The following EPHA6 variants were observed in gnomAD, a reference collection of about 807,000 sequenced individuals.
The protein encoded by EPHA6 is ephrin type-A receptor 6.
EPHA6 carries 50 observed loss-of-function variants against 112.0 expected under a neutral mutation model. The observed-to-expected ratio is 0.45, with a 90% confidence interval of 0.36 to 0.56. The LOEUF is 0.56. Among genes scored for constraint, EPHA6 ranks in the 20% least tolerant of loss-of-function variants. The pLI is 0.00. For synonymous variants in EPHA6, 529 were observed against 490.7 expected (o/e 1.08, Z -1.03); for missense variants, 1,280 against 1,417.4 (o/e 0.90, Z 1.56).
chr3:97,259,981 A>G (rs1285588033), intron 5 of EPHA6, among the ~76,000 whole-genome samples: 1 of 152,026 alleles, frequency 6.6e-6, no homozygotes, highest in Non-Finnish European at 1.5e-5. Context: ...TTGTATTTTC[A>G]GTAGAGACAG....
intron 2 of EPHA6, among the ~76,000 whole-genome samples, chr3:96,940,621 G>A (rs2040884564): frequency 6.6e-6 from 1 of 152,168 alleles, no homozygotes; most frequent in Admixed American, 6.5e-5. Flanking sequence ...ATTGTTATGT[G>A]TGAATTTGAT....
At position 96,829,936 on chromosome 3, in the gene EPHA6, T is replaced by TATGC. The variant is rs1491163854; in HGVS notation, c.385+14928_385+14929insATGC. Among the ~76,000 whole-genome samples, 348 of 103,220 alleles carry TATGC rather than the reference T, an allele frequency of 3.4e-3. 3 individuals carry two copies. The highest frequency in any genetic ancestry group is 0.016 in the African/African-American group (336 of 21,618). 67.7% of individuals were successfully genotyped at this position (103,220 alleles called of 152,430 possible). On this transcript the variant is annotated intron_variant, in intron 1 of 17. Coordinates refer to ENST00000389672, the MANE Select transcript of EPHA6 (RefSeq NM_001080448.3). ...CTGTCTGTATACACATGCACGTGCA[T>TATGC]GTGCGCGCGCGCGCACACACACACA...
chr3:97,523,521 A>G (rs1424488578), intron 10 of EPHA6, among the ~76,000 whole-genome samples: 1 of 152,058 alleles, frequency 6.6e-6, no homozygotes, highest in Non-Finnish European at 1.5e-5. Context: ...AATGTTCTGT[A>G]TATACCTGTT....
chr3:97,185,667 G>T (rs562028073), intron 3 of EPHA6, among the ~76,000 whole-genome samples: 1 of 151,974 alleles, frequency 6.6e-6, no homozygotes, highest in African/African-American at 2.4e-5. Context: ...ATTCCTCAGG[G>T]ATCTAGAACT....
chr3:96,875,240 A>G (rs965674808), intron 2 of EPHA6, among the ~76,000 whole-genome samples: 1 of 152,096 alleles, frequency 6.6e-6, no homozygotes, highest in African/African-American at 2.4e-5. Flanking sequence ...TGAATCATCC[A>G]AAGCTGATGG....
At chr3:96,950,232 T>A (rs531457066) in intron 2 of EPHA6, among the ~76,000 whole-genome samples, 122 of 152,218 alleles carry the variant, frequency 8.0e-4, no homozygotes, top group Non-Finnish European at 1.5e-3. Flanking sequence ...CTCATGTGCT[T>A]CTGTATACCT....
chr3:97,530,477 C>G (rs1577678958), intron 10 of EPHA6, among the ~76,000 whole-genome samples: 1 of 151,778 alleles, frequency 6.6e-6, no homozygotes, highest in African/African-American at 2.4e-5. Context: ...CACCAAACAG[C>G]TTTGACATGG....
At position 97,761,518 on chromosome 3, in the gene EPHA6, G is replaced by A. The variant is rs560351883; in HGVS notation, c.*12817G>A. The A allele has an allele frequency of 2.6e-4, 45 of 174,072 alleles. No individual in the cohort carries two copies. Among genetic ancestry groups the A allele is most frequent in the African/African-American group, 1.0e-3 (44 of 42,238 alleles). 10.8% of individuals were successfully genotyped at this position (174,072 alleles called of 1,614,324 possible). ...TATCTATTGGCAAATAAAAGTTACAGCTTTGGTGGTTGAATTTGTGACTTT... is the reference window on the plus strand; with the variant it reads ...TATCTATTGGCAAATAAAAGTTACAACTTTGGTGGTTGAATTTGTGACTTT... On this transcript the variant is annotated 3_prime_UTR_variant, in exon 18 of 18. Coordinates refer to ENST00000389672, the MANE Select transcript of EPHA6 (RefSeq NM_001080448.3).
chr3:96,906,871 A>C (rs1354743105), intron 2 of EPHA6, among the ~76,000 whole-genome samples: 1 of 152,060 alleles, frequency 6.6e-6, no homozygotes, highest in Non-Finnish European at 1.5e-5. Flanking sequence ...AGAGAGGACA[A>C]AGGTTTCTGT....
chr3:96,826,998 G>A (rs887815838), intron 1 of EPHA6, among the ~76,000 whole-genome samples: 2 of 152,092 alleles, frequency 1.3e-5, no homozygotes, highest in East Asian at 1.9e-4. Context: ...AATTTAAAAC[G>A]GCCTAAATTC....
intron 5 of EPHA6, among the ~76,000 whole-genome samples, chr3:97,363,715 A>G (rs1391359473): frequency 1.3e-5 from 2 of 152,046 alleles, no homozygotes; most frequent in Admixed American, 1.3e-4. Context: ...AGTGTTTGTA[A>G]CACCAATATT....
chr3:96,863,596 A>G (rs1168145977), intron 1 of EPHA6, among the ~76,000 whole-genome samples: 2 of 152,018 alleles, frequency 1.3e-5, no homozygotes, highest in Admixed American at 6.6e-5. Flanking sequence ...GATACTAAGA[A>G]ACAACAAAAA....
At chr3:97,124,689 C>T (rs939575268) in intron 3 of EPHA6, among the ~76,000 whole-genome samples, 2 of 152,088 alleles carry the variant, frequency 1.3e-5, no homozygotes, top group Admixed American at 1.3e-4. Context: ...TCTATCCCAT[C>T]CCAACCTCAG....
At chr3:96,945,229 A>G (rs574710984) in intron 2 of EPHA6, among the ~76,000 whole-genome samples, 6 of 152,296 alleles carry the variant, frequency 3.9e-5, no homozygotes, top group Admixed American at 2.0e-4. Flanking sequence ...TAATAAAATC[A>G]TATTCTAAGT....
chr3:97,645,671 AAAAAG>A (rs757500866), intron 14 of EPHA6, among the ~76,000 whole-genome samples: 31 of 152,316 alleles, frequency 2.0e-4, no homozygotes, highest in Admixed American at 3.3e-4. Flanking sequence ...ATAATAAAAA[AAAAAG>A]AAAAGGATTC....
chr3:97,603,022 C>T (rs890655619), intron 12 of EPHA6, among the ~76,000 whole-genome samples: 1 of 151,812 alleles, frequency 6.6e-6, no homozygotes, highest in Admixed American at 6.6e-5. Context: ...AAAAGATATG[C>T]TTTTAATTTG....
chr3:97,343,558 C>G (rs1032466476), intron 5 of EPHA6, among the ~76,000 whole-genome samples: 6 of 152,010 alleles, frequency 3.9e-5, no homozygotes, highest in African/African-American at 1.4e-4. Context: ...GCAAACCAAC[C>G]TTTGTTAAGG....
intron 5 of EPHA6, among the ~76,000 whole-genome samples, chr3:97,382,915 G>T (rs2085837632): frequency 6.6e-6 from 1 of 151,914 alleles, no homozygotes; most frequent in Admixed American, 6.6e-5. Flanking sequence ...TAATAACTAA[G>T]GTAGCAAGAT....
intron 3 of EPHA6, chr3:97,009,954 T>C (rs1359117272): frequency 1.8e-6 from 1 of 558,832 alleles, no homozygotes; most frequent in South Asian, 1.5e-5. Context: ...GTTACCTTGG[T>C]TGCCGTTGAA....
Sources: allele counts gnomAD v4.1 joint callset (sites outside exome capture counted in the v4.1 genomes callset), GRCh38; gene constraint gnomAD v4.1.1; transcripts MANE v1.5; gene names NCBI Gene and HGNC (gene_info 2026-07-23, HGNC 2026-07-21).